CDH13: variants seen among roughly 807,000 people sequenced by gnomAD.
CDH13 encodes cadherin 13, also known as cadherin-13.
In CDH13, 24 loss-of-function variants were observed where a neutral mutation model predicts 63.8. The ratio of observed to expected loss-of-function variants is 0.38; its 90% CI spans 0.27 to 0.53. The LOEUF (loss-of-function observed/expected upper bound fraction) is 0.53, where lower values mean the gene tolerates loss of function less well. Ranked by LOEUF, CDH13 falls within the 20% of genes least tolerant of loss-of-function variation. The pLI is 0.85. For missense variants in CDH13, 1,049 were observed against 903.1 expected (o/e 1.16, Z -2.07); for synonymous variants, 503 against 355.3 (o/e 1.42, Z -4.67).
chr16:83,083,323 T>C (rs1258707223), intron 3 of CDH13, among the ~76,000 whole-genome samples: 2 of 152,198 alleles, frequency 1.3e-5, no homozygotes, highest in Non-Finnish European at 2.9e-5. Flanking sequence ...CATAACTCTA[T>C]ACCGTACAGT....
intron 6 of CDH13, among the ~76,000 whole-genome samples, chr16:83,374,909 C>A (rs1021281542): frequency 6.6e-6 from 1 of 152,198 alleles, no homozygotes; most frequent in South Asian, 2.1e-4. Flanking sequence ...CAAATGTGGG[C>A]AGCCTATATA....
intron 2 of CDH13, among the ~76,000 whole-genome samples, chr16:82,917,645 C>G (rs2042030064): frequency 1.3e-5 from 2 of 152,222 alleles, no homozygotes; most frequent in South Asian, 4.1e-4. Flanking sequence ...GGTACCATGG[C>G]TCACGCCTGT....
chr16:82,885,016 G>A (rs529043561), intron 2 of CDH13, among the ~76,000 whole-genome samples: 1 of 152,252 alleles, frequency 6.6e-6, no homozygotes, highest in South Asian at 2.1e-4. Context: ...TGACATTCAG[G>A]AGGCTACTTT....
chr16:83,498,981 A>C (rs1343656981), intron 7 of CDH13, among the ~76,000 whole-genome samples: 1 of 152,182 alleles, frequency 6.6e-6, no homozygotes, highest in East Asian at 1.9e-4. Context: ...TCATTTGTTG[A>C]GTATTTTGTC....
intron 2 of CDH13, among the ~76,000 whole-genome samples, chr16:82,863,181 A>C (rs139177644): frequency 6.6e-6 from 1 of 152,318 alleles, no homozygotes; most frequent in East Asian, 1.9e-4. Context: ...ATGGACCACA[A>C]AGGAGCCAGC....
chr16:82,795,247 A>G (rs955948703), intron 1 of CDH13, among the ~76,000 whole-genome samples: 1 of 152,224 alleles, frequency 6.6e-6, no homozygotes, highest in African/African-American at 2.4e-5. Context: ...TCCAATGGAC[A>G]TGGACAGTTG....
intron 8 of CDH13, among the ~76,000 whole-genome samples, chr16:83,636,416 A>G (rs565319330): frequency 6.2e-4 from 95 of 152,246 alleles, no homozygotes; most frequent in Non-Finnish European, 9.4e-4. Flanking sequence ...CCAAATTGGT[A>G]GTTTTTCAAC....
At chr16:83,461,033 G>T (rs143894361) in intron 6 of CDH13, among the ~76,000 whole-genome samples, 1 of 138,466 alleles carries the variant, frequency 7.2e-6, no homozygotes, top group Non-Finnish European at 1.6e-5. Context: ...AACAAACACT[G>T]CAGATAGCCA....
intron 6 of CDH13, chr16:83,397,953 G>C (rs979118319): frequency 6.6e-6 from 1 of 152,224 alleles, no homozygotes; most frequent in African/African-American, 2.4e-5. Context: ...TCTTGCCCCA[G>C]ATGTTCAATG....
At chr16:82,716,511 A>T (rs1232441883) in intron 1 of CDH13, among the ~76,000 whole-genome samples, 2 of 151,088 alleles carry the variant, frequency 1.3e-5, no homozygotes, top group Admixed American at 6.6e-5. Context: ...AAACAGTTGT[A>T]AAAGTTGGGG....
intron 5 of CDH13, among the ~76,000 whole-genome samples, chr16:83,305,571 T>G (rs1301745827): frequency 6.6e-6 from 1 of 152,204 alleles, no homozygotes; most frequent in African/African-American, 2.4e-5. Context: ...AATTATATCT[T>G]CCAAGTTGGC....
At chr16:83,335,284 GT>G (rs1011162063) in intron 5 of CDH13, among the ~76,000 whole-genome samples, 3 of 152,106 alleles carry the variant, frequency 2.0e-5, no homozygotes, top group African/African-American at 4.8e-5. Flanking sequence ...TGATCCTTGT[GT>G]TTGTGTCACT....
At chr16:82,628,859 G>C (rs1264641220) in intron 1 of CDH13, among the ~76,000 whole-genome samples, 2 of 152,174 alleles carry the variant, frequency 1.3e-5, no homozygotes, top group Admixed American at 6.5e-5. Flanking sequence ...GTACCAACCC[G>C]GGCAAGTTGT....
intron 6 of CDH13, among the ~76,000 whole-genome samples, chr16:83,357,482 C>T (rs1007819804): frequency 6.6e-5 from 10 of 152,142 alleles, no homozygotes; most frequent in African/African-American, 2.4e-4. Context: ...ACCCACGCAA[C>T]TAAAACTCAG....
intron 3 of CDH13, among the ~76,000 whole-genome samples, chr16:83,038,998 C>T (rs1028174459): frequency 6.6e-6 from 1 of 152,164 alleles, no homozygotes; most frequent in Non-Finnish European, 1.5e-5. Context: ...AGATACTGTA[C>T]CTCCAGGCTT....
At chr16:83,442,459 C>T (rs1290406905) in intron 6 of CDH13, among the ~76,000 whole-genome samples, 1 of 152,210 alleles carries the variant, frequency 6.6e-6, no homozygotes, top group Non-Finnish European at 1.5e-5. Flanking sequence ...TTTCTGGATG[C>T]TGATGCTTTT....
At chr16:82,784,110 C>T (rs1277126402) in intron 1 of CDH13, among the ~76,000 whole-genome samples, 1 of 151,704 alleles carries the variant, frequency 6.6e-6, no homozygotes, top group Admixed American at 6.5e-5. Flanking sequence ...TAAAAGAAAT[C>T]CACCCCCAAA....
At chr16:82,677,776 T>A (rs1164021139) in intron 1 of CDH13, among the ~76,000 whole-genome samples, 1 of 152,200 alleles carries the variant, frequency 6.6e-6, no homozygotes, top group African/African-American at 2.4e-5. Context: ...CAATCTACAT[T>A]TCCCCCTCCA....
At chr16:82,797,052 A>G (rs1555519277) in intron 1 of CDH13, among the ~76,000 whole-genome samples, 4 of 152,226 alleles carry the variant, frequency 2.6e-5, no homozygotes, top group Non-Finnish European at 5.9e-5. Context: ...ATGACTATGT[A>G]CTTGTCATGA....
Sources: gnomAD v4.1 joint callset for allele counts (sites outside exome capture counted in the v4.1 genomes callset) on GRCh38, gnomAD v4.1.1 for gene constraint, MANE v1.5 for transcripts, NCBI Gene and HGNC (gene_info 2026-07-23, HGNC 2026-07-21) for gene names.